Variants in GAP43 observed in about 807,000 individuals in gnomAD.
The protein encoded by GAP43 is growth associated protein 43.
In GAP43, 6 loss-of-function variants were observed where a neutral mutation model predicts 18.6. The observed-to-expected ratio is 0.32, with a 90% CI of 0.18 to 0.64. The LOEUF (loss-of-function observed/expected upper bound fraction) is 0.64. Ranked by LOEUF, GAP43 falls within the 30% of genes least tolerant of loss-of-function variation. The pLI is 0.78. For missense variants in GAP43, 292 were observed against 295.5 expected (o/e 0.99, Z 0.09); for synonymous variants, 115 against 111.4 (o/e 1.03, Z -0.20).
At chr3:115,660,608 G>C (rs560934365) in intron 1 of GAP43, among the ~76,000 whole-genome samples, 1 of 152,328 alleles carries the variant, frequency 6.6e-6, no homozygotes, top group Admixed American at 6.5e-5. Flanking sequence ...GAAACTGTCT[G>C]AAACTTTTCA....
chr3:115,669,291 G>A (rs1184052542), intron 1 of GAP43, among the ~76,000 whole-genome samples: 3 of 152,112 alleles, frequency 2.0e-5, no homozygotes, highest in Non-Finnish European at 4.4e-5. Flanking sequence ...ACCTGTTGTA[G>A]TTAGATGCTC....
chr3:115,633,716 C>T (rs1180931297), intron 1 of GAP43, among the ~76,000 whole-genome samples: 1 of 152,156 alleles, frequency 6.6e-6, no homozygotes, highest in African/African-American at 2.4e-5. Flanking sequence ...TTTTCACCAT[C>T]CTCCTGAGGC....
chr3:115,716,714 ACAAATATATATATATATAT>A (rs1709507207), intron 2 of GAP43, among the ~76,000 whole-genome samples: 885 of 64,022 alleles, frequency 0.014, 61 homozygotes, highest in East Asian at 0.13. Context: ...TTAATCTCAG[ACAAATATATATATATATAT>A]ATATATATAT....
chr3:115,648,297 C>T (rs531842510), intron 1 of GAP43, among the ~76,000 whole-genome samples: 4 of 152,138 alleles, frequency 2.6e-5, no homozygotes, highest in East Asian at 3.9e-4. Flanking sequence ...ATGCTGTCCT[C>T]GCCTCTGAGA....
chr3:115,681,788 T>C (rs970657846), intron 2 of GAP43, among the ~76,000 whole-genome samples: 3 of 152,176 alleles, frequency 2.0e-5, no homozygotes, highest in African/African-American at 7.2e-5. Flanking sequence ...CACTCTGTGG[T>C]AGTAATGTAG....
intron 1 of GAP43, among the ~76,000 whole-genome samples, chr3:115,637,629 C>G (rs1394337672): frequency 6.6e-6 from 1 of 152,046 alleles, no homozygotes; most frequent in Non-Finnish European, 1.5e-5. Flanking sequence ...TGTGAATAAT[C>G]TAATTTGTGC....
intron 1 of GAP43, among the ~76,000 whole-genome samples, chr3:115,671,214 G>A (rs897416440): frequency 6.6e-6 from 1 of 152,128 alleles, no homozygotes; most frequent in Non-Finnish European, 1.5e-5. Flanking sequence ...GGACATTTTA[G>A]AATAAATCTT....
chr3:115,634,967 A>G (rs959847988), intron 1 of GAP43, among the ~76,000 whole-genome samples: 2 of 152,102 alleles, frequency 1.3e-5, no homozygotes, highest in African/African-American at 4.8e-5. Context: ...CTTTAAATCA[A>G]TTTTAAAAAG....
intron 2 of GAP43, among the ~76,000 whole-genome samples, chr3:115,691,616 T>G (rs1709111663): frequency 6.6e-6 from 1 of 152,224 alleles, no homozygotes; most frequent in South Asian, 2.1e-4. Flanking sequence ...CTACACCTGA[T>G]TTTATGAAGG....
chr3:115,685,895 T>C (rs1385658664), intron 2 of GAP43, among the ~76,000 whole-genome samples: 1 of 152,194 alleles, frequency 6.6e-6, no homozygotes, highest in Non-Finnish European at 1.5e-5. Flanking sequence ...TATTGGAAGA[T>C]ATGTTAGTTT....
intron 1 of GAP43, among the ~76,000 whole-genome samples, chr3:115,645,714 A>G (rs1708450904): frequency 6.6e-6 from 1 of 151,984 alleles, no homozygotes; most frequent in African/African-American, 2.4e-5. Context: ...TTTTGTTTGC[A>G]TACACAAATC....
At chr3:115,683,635 T>A (rs1330075980) in intron 2 of GAP43, among the ~76,000 whole-genome samples, 1 of 152,156 alleles carries the variant, frequency 6.6e-6, no homozygotes, top group Non-Finnish European at 1.5e-5. Flanking sequence ...TAATTCAATA[T>A]CAGTGTATTT....
In GAP43 at chr3:115,720,971, C is replaced by G. The variant is rs1339277512; in HGVS notation, c.*89C>G. 16 of 777,278 alleles carry G rather than the reference C, an allele frequency of 2.1e-5. No individual in the cohort carries two copies. In the East Asian group the frequency reaches 4.0e-4, roughly 19 times the overall value. The allele number at this position is 777,278 out of a possible 1,614,324, so 48.1% of individuals were successfully genotyped here. On this transcript the variant is annotated 3_prime_UTR_variant, in exon 3 of 3. Coordinates refer to ENST00000305124, the MANE Select transcript of GAP43 (RefSeq NM_002045.4). ...TCTTCTCAGCTCCACTCTGAAGTCC[C>G]TTCCTGTCCTGCTCACGTCTGTGAG...
intron 1 of GAP43, among the ~76,000 whole-genome samples, chr3:115,668,093 G>C (rs996666472): frequency 6.6e-6 from 1 of 152,146 alleles, no homozygotes; most frequent in Admixed American, 6.5e-5. Context: ...ACTTCCCATA[G>C]GTATTTTCCT....
chr3:115,708,572 G>A (rs1385107222), intron 2 of GAP43, among the ~76,000 whole-genome samples: 1 of 152,166 alleles, frequency 6.6e-6, no homozygotes, highest in Non-Finnish European at 1.5e-5. Context: ...GAGAGTTCAG[G>A]GGAAATGTCT....
At chr3:115,628,068 A>G (rs147568503) in intron 1 of GAP43, among the ~76,000 whole-genome samples, 2 of 152,246 alleles carry the variant, frequency 1.3e-5, no homozygotes, top group African/African-American at 4.8e-5. Context: ...GAAAATAAAG[A>G]TCAATATAAG....
chr3:115,627,939 C>A (rs994901769), intron 1 of GAP43, among the ~76,000 whole-genome samples: 20 of 152,106 alleles, frequency 1.3e-4, no homozygotes. Flanking sequence ...TTTAATAAAC[C>A]ACATCACCTT....
At chr3:115,628,167 C>T (rs1011545948) in intron 1 of GAP43, among the ~76,000 whole-genome samples, 5 of 151,948 alleles carry the variant, frequency 3.3e-5, no homozygotes, top group Admixed American at 6.6e-5. Flanking sequence ...CTGTGTCTAC[C>T]TTTCCCTGTT....
At chr3:115,683,147 G>GTGCGCGCACACA (rs1708983101) in intron 2 of GAP43, among the ~76,000 whole-genome samples, 32 of 127,444 alleles carry the variant, frequency 2.5e-4, no homozygotes, top group Non-Finnish European at 4.5e-4. Flanking sequence ...GCGCGCGCGC[G>GTGCGCGCACACA]CACACACACA....
Sources: gnomAD v4.1 joint callset for allele counts (sites outside exome capture counted in the v4.1 genomes callset) on GRCh38, gnomAD v4.1.1 for gene constraint, MANE v1.5 for transcripts, NCBI Gene and HGNC (gene_info 2026-07-23, HGNC 2026-07-21) for gene names.